TMEFF2: variants seen among roughly 807,000 people sequenced by gnomAD.
TMEFF2 encodes tomoregulin-2.
TMEFF2 carries 28 observed loss-of-function variants against 53.8 expected under a neutral mutation model. The observed-to-expected ratio is 0.52, with a 90% CI of 0.39 to 0.71. TMEFF2 has a LOEUF of 0.71. TMEFF2 is among the 30% of genes least tolerant of loss of function. TMEFF2 has a pLI of 0.00. For synonymous variants in TMEFF2, 162 were observed against 166.3 expected (o/e 0.97, Z 0.20); for missense variants, 353 against 455.2 (o/e 0.78, Z 2.04).
chr2:192,190,018 T>C lies in TMEFF2; in HGVS notation c.282+1862A>G, dbSNP rs577801309. Among the ~76,000 whole-genome samples, 3 of 152,352 alleles carry C rather than the reference T, an allele frequency of 2.0e-5. No individual in the cohort carries two copies. The South Asian group carries it at 6.2e-4, about 32-fold the overall frequency. On this transcript the variant is annotated intron_variant, in intron 2 of 9. Transcript: ENST00000272771. ...TTGCATTCGTTTCCACTCCCCCATC[T>C]ATTCCACTTAACGATTATTTAAATT...
chr2:191,963,889 C>T (rs962536806), intron 7 of TMEFF2, among the ~76,000 whole-genome samples: 1 of 152,088 alleles, frequency 6.6e-6, no homozygotes, highest in African/African-American at 2.4e-5. Context: ...TTAACATGGT[C>T]AAAATGTATT....
chr2:192,168,014 T>G (rs1375680184), intron 4 of TMEFF2, among the ~76,000 whole-genome samples: 1 of 152,098 alleles, frequency 6.6e-6, no homozygotes, highest in Non-Finnish European at 1.5e-5. Context: ...GAAACGTTGT[T>G]GGTTGAGTCT....
chr2:192,123,553 G>A (rs1689609424), intron 4 of TMEFF2, among the ~76,000 whole-genome samples: 2 of 152,106 alleles, frequency 1.3e-5, no homozygotes, highest in African/African-American at 4.8e-5. Context: ...GGATATATAG[G>A]AGTTGCATTA....
intron 4 of TMEFF2, among the ~76,000 whole-genome samples, chr2:192,125,724 C>T (rs557639745): frequency 6.6e-6 from 1 of 152,302 alleles, no homozygotes; most frequent in Non-Finnish European, 1.5e-5. Context: ...TTTGCGGGGA[C>T]ATGGATGGAG....
intron 4 of TMEFF2, among the ~76,000 whole-genome samples, chr2:192,168,470 A>T (rs939593757): frequency 1.3e-5 from 2 of 151,560 alleles, no homozygotes; most frequent in East Asian, 3.9e-4. Context: ...ATATAGGTGA[A>T]AATTACCTCA....
chr2:191,998,387 A>G (rs1436671727), intron 6 of TMEFF2, 66 bp from the exon 7 acceptor site: 2 of 1,197,414 alleles, frequency 1.7e-6, no homozygotes, highest in East Asian at 2.5e-5. Flanking sequence ...TCAAACTTAT[A>G]TATTTCCTCC....
intron 4 of TMEFF2, among the ~76,000 whole-genome samples, chr2:192,170,763 A>G (rs968776016): frequency 1.3e-5 from 2 of 152,046 alleles, no homozygotes; most frequent in African/African-American, 4.8e-5. Context: ...GGAACACAAA[A>G]TTAAAAGATT....
At chr2:191,953,336 GTCA>G (rs1350231720) in intron 9 of TMEFF2, among the ~76,000 whole-genome samples, 1 of 152,034 alleles carries the variant, frequency 6.6e-6, no homozygotes, top group Admixed American at 6.5e-5. Flanking sequence ...AAACTATTTT[GTCA>G]TCCTAAGATA....
intron 4 of TMEFF2, among the ~76,000 whole-genome samples, chr2:192,171,053 A>G (rs566168223): frequency 2.6e-5 from 4 of 152,252 alleles, no homozygotes; most frequent in Admixed American, 2.6e-4. Flanking sequence ...AACAAATTCA[A>G]TGCAATTTGG....
At chr2:192,155,931 T>C (rs1353918870) in intron 4 of TMEFF2, among the ~76,000 whole-genome samples, 1 of 151,908 alleles carries the variant, frequency 6.6e-6, no homozygotes, top group Non-Finnish European at 1.5e-5. Flanking sequence ...AGCTGTTACT[T>C]ACTACTCATT....
At chr2:191,991,465 T>C (rs1001875280) in intron 7 of TMEFF2, among the ~76,000 whole-genome samples, 6 of 152,156 alleles carry the variant, frequency 3.9e-5, no homozygotes, top group African/African-American at 1.4e-4. Context: ...TGATGTCTTT[T>C]AATTTAAACT....
intron 7 of TMEFF2, among the ~76,000 whole-genome samples, chr2:191,968,594 G>A (rs1367877597): frequency 6.6e-6 from 1 of 152,150 alleles, no homozygotes; most frequent in South Asian, 2.1e-4. Context: ...TTCTGTAGCA[G>A]AATTCACGGG....
intron 4 of TMEFF2, among the ~76,000 whole-genome samples, chr2:192,174,638 G>T (rs889750992): frequency 2.6e-5 from 4 of 151,676 alleles, no homozygotes; most frequent in Non-Finnish European, 5.9e-5. Flanking sequence ...AGGTGTGGCA[G>T]AGCAAAAAGA....
At position 192,026,416 on chromosome 2, in the gene TMEFF2, C is replaced by A. The variant is rs114847049; in HGVS notation, c.537-27208G>T. Among the ~76,000 whole-genome samples, 398 of 152,282 alleles carry A rather than the reference C, an allele frequency of 2.6e-3. 2 individuals are homozygous for A. Among genetic ancestry groups the A allele is most frequent in the African/African-American group, 9.3e-3 (387 of 41,546 alleles). On this transcript the variant is annotated intron_variant, in intron 5 of 9. Transcript: ENST00000272771. ...TGTCAATGCACATTAATATTTGATG[C>A]GCATCATCGTTATCATCCTTTATGT...
At chr2:192,154,384 A>C (rs529364329) in intron 4 of TMEFF2, among the ~76,000 whole-genome samples, 3 of 151,992 alleles carry the variant, frequency 2.0e-5, no homozygotes, top group Non-Finnish European at 2.9e-5. Flanking sequence ...TAATGATAAC[A>C]TGTATACTTT....
intron 4 of TMEFF2, among the ~76,000 whole-genome samples, chr2:192,079,093 C>T (rs1688495938): frequency 6.6e-6 from 1 of 152,212 alleles, no homozygotes; most frequent in Admixed American, 6.5e-5. Context: ...TTAAGGCCTT[C>T]AGGATTTACC....
intron 2 of TMEFF2, among the ~76,000 whole-genome samples, chr2:192,188,860 TATCTATC>T (rs1691386659): frequency 2.0e-5 from 3 of 151,582 alleles, no homozygotes; most frequent in Non-Finnish European, 2.9e-5. Flanking sequence ...TCTATCTATC[TATCTATC>T]TATCTATCTA....
In TMEFF2 at chr2:192,194,139, T is replaced by C. The variant is rs1003825234; in HGVS notation, c.172+214A>G. ...GCGCAAGCATGCAAAGGTTTCCTGC[T>C]ACACCTGCACTTTCTGCCCATCCCA... is the stretch of plus-strand genomic sequence containing the variant. On this transcript the variant is annotated intron_variant, in intron 1 of 9. Coordinates refer to ENST00000272771, the MANE Select transcript of TMEFF2 (RefSeq NM_016192.4). The surrounding 1 kb of genome is among the most constrained non-coding windows in gnomAD (Gnocchi z 4.2). Among the ~76,000 whole-genome samples the C allele has an allele frequency of 1.3e-5, 2 of 152,190 alleles. No individual in the cohort carries two copies. Among genetic ancestry groups the C allele is most frequent in the African/African-American group, 4.8e-5 (2 of 41,442 alleles).
chr2:191,964,350 T>C (rs1312630677), intron 7 of TMEFF2, among the ~76,000 whole-genome samples: 23 of 104,392 alleles, frequency 2.2e-4, no homozygotes, highest in African/African-American at 9.1e-4. Context: ...CTTTCTTTCT[T>C]TCTTTCTTTC....
Sources: gnomAD v4.1 joint callset for allele counts (sites outside exome capture counted in the v4.1 genomes callset) on GRCh38, gnomAD v4.1.1 for gene constraint, Gnocchi (gnomAD v3.1) non-coding constraint, MANE v1.5 for transcripts, NCBI Gene and HGNC (gene_info 2026-07-23, HGNC 2026-07-21) for gene names.